Variants in CCDC73 observed in about 807,000 individuals in gnomAD.
CCDC73 encodes coiled-coil domain-containing protein 73.
CCDC73 carries 95 observed loss-of-function variants against 116.5 expected under a neutral mutation model. The ratio of observed to expected loss-of-function variants is 0.82; its 90% confidence interval spans 0.69 to 0.97. The LOEUF is 0.97. CCDC73 is among the 50% of genes least tolerant of loss of function. The pLI is 0.00. For synonymous variants in CCDC73, 398 were observed against 401.3 expected, an observed-to-expected ratio of 0.99 and a Z score of 0.10; for missense variants, 1,066 against 1,206.8, an observed-to-expected ratio of 0.88 and a Z score of 1.73.
chr11:32,711,218 G>A (rs1273977449), intron 3 of CCDC73, among the ~76,000 whole-genome samples: 1 of 151,960 alleles, frequency 6.6e-6, no homozygotes, highest in East Asian at 1.9e-4. Context: ...CAACCACAAT[G>A]GAAAATAGTG....
intron 4 of CCDC73, among the ~76,000 whole-genome samples, chr11:32,701,555 A>AT (rs1849813289): frequency 6.6e-6 from 1 of 151,744 alleles, no homozygotes; most frequent in Non-Finnish European, 1.5e-5. Context: ...TTAAAAAAAA[A>AT]TTTTTTTAAG....
At chr11:32,666,739 T>C (rs1429662590) in intron 9 of CCDC73, among the ~76,000 whole-genome samples, 6 of 152,240 alleles carry the variant, frequency 3.9e-5, no homozygotes, top group Non-Finnish European at 7.3e-5. Context: ...GGTACTCTGA[T>C]GTTTAGAATT....
intron 4 of CCDC73, among the ~76,000 whole-genome samples, chr11:32,701,697 A>C (rs1849814331): frequency 6.6e-6 from 1 of 152,176 alleles, no homozygotes; most frequent in Non-Finnish European, 1.5e-5. Context: ...AAATAAATAA[A>C]TAAATAAAAA....
At position 32,741,394 on chromosome 11, in the gene CCDC73, C is replaced by T. The variant is rs368754829; in HGVS notation, c.135+18715G>A. ...TTTTTACAACTGTTATATCCTCTTT[C>T]TGACTTGACCCCTTTATCATTATAT... On this transcript the variant is annotated intron_variant, in intron 2 of 17. Coordinates refer to ENST00000335185, the MANE Select transcript of CCDC73 (RefSeq NM_001008391.4). Among the ~76,000 whole-genome samples the T allele has an allele frequency of 5.0e-4, 76 of 152,218 alleles. 1 individual carries two copies. The highest frequency in any genetic ancestry group is 1.7e-3 in the African/African-American group (70 of 41,546).
intron 3 of CCDC73, among the ~76,000 whole-genome samples, chr11:32,712,820 G>C (rs1335024220): frequency 6.6e-6 from 1 of 151,680 alleles, no homozygotes; most frequent in Non-Finnish European, 1.5e-5. Flanking sequence ...ATAAATGCTT[G>C]AATAGAAACA....
chr11:32,709,281 G>T (rs1028276454), intron 3 of CCDC73, among the ~76,000 whole-genome samples: 4 of 151,980 alleles, frequency 2.6e-5, no homozygotes, highest in Middle Eastern at 3.4e-3. Context: ...TTATCTTTTT[G>T]ATATGCTGTT....
At chr11:32,712,551 T>G (rs956904713) in intron 3 of CCDC73, among the ~76,000 whole-genome samples, 1 of 136,236 alleles carries the variant, frequency 7.3e-6, no homozygotes, top group Non-Finnish European at 1.6e-5. Flanking sequence ...TATTTATTTT[T>G]CAATTAAAAT....
Position 32,743,634 on chromosome 11 carries a change from G to A in CCDC73, c.135+16475C>T, listed in dbSNP as rs866782327. 2.6e-5 allele frequency among the ~76,000 whole-genome samples: 4 copies of A among 152,306 alleles called. 1 individual carries two copies. In the South Asian group the frequency reaches 8.3e-4, roughly 32 times the overall value. On this transcript the variant is annotated intron_variant, in intron 2 of 17. Coordinates refer to ENST00000335185, the MANE Select transcript of CCDC73 (RefSeq NM_001008391.4). ...AAGAGGTCCTTCACATCCCTTGTAAGTTGGATTCCTAGGTATTTTATTCTC... is the reference window on the plus strand; with the variant it reads ...AAGAGGTCCTTCACATCCCTTGTAAATTGGATTCCTAGGTATTTTATTCTC...
At chr11:32,743,259 T>C (rs1211017080) in intron 2 of CCDC73, among the ~76,000 whole-genome samples, 1 of 152,180 alleles carries the variant, frequency 6.6e-6, no homozygotes, top group African/African-American at 2.4e-5. Context: ...AAGGCCATTT[T>C]CAGAATATTG....
intron 13 of CCDC73, 151 bp downstream of exon 13, chr11:32,641,821 A>G (rs1855735465): frequency 1.9e-6 from 1 of 535,900 alleles, no homozygotes; most frequent in Non-Finnish European, 2.8e-6. Context: ...TTTAAAAAGC[A>G]TTCACCTTTT....
intron 6 of CCDC73, among the ~76,000 whole-genome samples, chr11:32,695,774 T>TAAAAAA (rs59419534): frequency 7.7e-6 from 1 of 129,498 alleles, no homozygotes; most frequent in Non-Finnish European, 1.6e-5. Flanking sequence ...AGTTTGGTTG[T>TAAAAAA]AAAAAAAAAA....
intron 3 of CCDC73, among the ~76,000 whole-genome samples, chr11:32,706,132 T>C (rs981467715): frequency 6.6e-6 from 1 of 152,130 alleles, no homozygotes; most frequent in African/African-American, 2.4e-5. Flanking sequence ...TGACTAAATC[T>C]TTCAGGGGCT....
chr11:32,787,572 T>C (rs1850639217), intron 1 of CCDC73, among the ~76,000 whole-genome samples: 1 of 152,222 alleles, frequency 6.6e-6, no homozygotes, highest in Non-Finnish European at 1.5e-5. Flanking sequence ...TAAGTTGGTT[T>C]CATCATATTG....
intron 14 of CCDC73, among the ~76,000 whole-genome samples, chr11:32,617,533 G>A (rs1590546261): frequency 6.6e-6 from 1 of 152,258 alleles, no homozygotes; most frequent in Middle Eastern, 3.4e-3. Context: ...GAACACACGG[G>A]GCAGAGTGAT....
chr11:32,627,304 GAA>G (rs1452389752), intron 14 of CCDC73, among the ~76,000 whole-genome samples: 37 of 152,262 alleles, frequency 2.4e-4, no homozygotes, highest in South Asian at 1.2e-3. Flanking sequence ...GGCGATCATT[GAA>G]AAGTCAGGAA....
intron 14 of CCDC73, among the ~76,000 whole-genome samples, chr11:32,623,158 C>A (rs1250023236): frequency 6.6e-6 from 1 of 151,790 alleles, no homozygotes; most frequent in Admixed American, 6.6e-5. Flanking sequence ...ACAGGCATGC[C>A]CCCACATGTG....
intron 7 of CCDC73, among the ~76,000 whole-genome samples, chr11:32,679,364 T>A (rs1856123706): frequency 6.6e-6 from 1 of 151,896 alleles, no homozygotes; most frequent in South Asian, 2.1e-4. Flanking sequence ...AAGTTTTTAT[T>A]TTTTATTTAT....
At chr11:32,816,933 G>A in the CCDC73 span, among the ~76,000 whole-genome samples, 2 of 152,132 alleles carry the variant, frequency 1.3e-5, no homozygotes, top group African/African-American at 4.8e-5. Context: ...ACAGGCGCCT[G>A]CCACCACGCC....
intron 6 of CCDC73, among the ~76,000 whole-genome samples, chr11:32,696,574 T>G (rs542434284): frequency 2.2e-3 from 338 of 152,210 alleles, no homozygotes; most frequent in Middle Eastern, 0.014. Context: ...GCTACAGGCG[T>G]GCACCACCAT....
Sources: allele counts gnomAD v4.1 joint callset (sites outside exome capture counted in the v4.1 genomes callset), GRCh38; gene constraint gnomAD v4.1.1; transcripts MANE v1.5; gene names NCBI Gene and HGNC (gene_info 2026-07-23, HGNC 2026-07-21).